COL25A1: variants seen among roughly 807,000 people sequenced by gnomAD.
COL25A1 encodes the protein collagen type XXV alpha 1 chain, also known as collagen alpha-1(XXV) chain.
COL25A1 carries 103 observed loss-of-function variants against 128.4 expected under a neutral mutation model. The observed-to-expected ratio is 0.80, with a 90% CI of 0.68 to 0.94. The LOEUF is 0.94. Ranked by LOEUF, COL25A1 falls within the 40% of genes least tolerant of loss-of-function variation. The pLI is 0.00. For missense variants in COL25A1, 745 were observed against 840.0 expected (o/e 0.89, Z 1.40); for synonymous variants, 279 against 277.2 (o/e 1.01, Z -0.06).
intron 13 of COL25A1, among the ~76,000 whole-genome samples, chr4:108,902,302 A>C (rs1742935388): frequency 6.6e-6 from 1 of 151,960 alleles, no homozygotes; most frequent in Admixed American, 6.6e-5. Context: ...CCTATGAGGT[A>C]GGTACTATTT....
intron 8 of COL25A1, among the ~76,000 whole-genome samples, chr4:108,949,593 G>A (rs903041836): frequency 6.6e-6 from 1 of 151,818 alleles, no homozygotes; most frequent in African/African-American, 2.4e-5. Flanking sequence ...GAGTGCAGTG[G>A]CACGATCTCG....
At chr4:108,856,874 A>G (rs1440760473) in intron 24 of COL25A1, among the ~76,000 whole-genome samples, 1 of 152,148 alleles carries the variant, frequency 6.6e-6, no homozygotes, top group Admixed American at 6.6e-5. Context: ...AATCACCCTA[A>G]GAATAGTATT....
chr4:109,194,270 A>G (rs1050267067), intron 3 of COL25A1, among the ~76,000 whole-genome samples: 3 of 152,194 alleles, frequency 2.0e-5, no homozygotes, highest in Non-Finnish European at 4.4e-5. Context: ...GGTATATTTT[A>G]TCTCCTCCTT....
chr4:108,825,341 GA>G (rs376659822), intron 33 of COL25A1, 119 bp from the exon 34 acceptor site: 11 of 794,934 alleles, frequency 1.4e-5, no homozygotes, highest in African/African-American at 1.4e-4. Flanking sequence ...TCAGAAATGT[GA>G]AAAAGATTCT....
chr4:109,224,677 C>T (rs970355773), intron 3 of COL25A1, among the ~76,000 whole-genome samples: 4 of 152,148 alleles, frequency 2.6e-5, no homozygotes, highest in East Asian at 1.9e-4. Context: ...CAGTGGCTCA[C>T]ACCTGTAATC....
chr4:108,901,468 A>G (rs1742848362), intron 13 of COL25A1, among the ~76,000 whole-genome samples: 1 of 152,068 alleles, frequency 6.6e-6, no homozygotes, highest in African/African-American at 2.4e-5. Context: ...TCAAATAAAT[A>G]TTTTCTGAAT....
chr4:108,896,872 T>G (rs1025210896), intron 15 of COL25A1, among the ~76,000 whole-genome samples, 161 bp from the exon 16 acceptor site: 5 of 152,218 alleles, frequency 3.3e-5, no homozygotes, highest in Non-Finnish European at 5.9e-5. Flanking sequence ...TTGTCTGATA[T>G]CAATAAAAGA....
At chr4:109,273,673 C>A (rs1421314612) in intron 3 of COL25A1, among the ~76,000 whole-genome samples, 1 of 152,072 alleles carries the variant, frequency 6.6e-6, no homozygotes, top group Non-Finnish European at 1.5e-5. Context: ...CAACAGCAAT[C>A]CTATTTTAAG....
intron 3 of COL25A1, among the ~76,000 whole-genome samples, chr4:109,149,998 G>GT (rs1491541224): frequency 2.0e-3 from 236 of 116,128 alleles, no homozygotes; most frequent in South Asian, 4.2e-3. Context: ...GTGTATGTGT[G>GT]GGTGTGTGTG....
intron 3 of COL25A1, among the ~76,000 whole-genome samples, chr4:109,057,301 T>C (rs1349877623): frequency 6.6e-6 from 1 of 152,076 alleles, no homozygotes; most frequent in Non-Finnish European, 1.5e-5. Flanking sequence ...AGAGTCTTAC[T>C]CTGTCACCCA....
intron 3 of COL25A1, among the ~76,000 whole-genome samples, chr4:109,129,189 G>T (rs573595901): frequency 6.6e-5 from 10 of 151,964 alleles, no homozygotes; most frequent in Admixed American, 4.6e-4. Context: ...GAGTGCAATG[G>T]TGTGATCTTG....
intron 3 of COL25A1, among the ~76,000 whole-genome samples, chr4:109,114,066 T>G (rs539709995): frequency 3.3e-5 from 5 of 152,080 alleles, no homozygotes; most frequent in African/African-American, 9.6e-5. Flanking sequence ...ACAACCACAA[T>G]GATAATAGTT....
intron 8 of COL25A1, among the ~76,000 whole-genome samples, chr4:108,953,778 C>T (rs1041249744): frequency 6.6e-6 from 1 of 152,028 alleles, no homozygotes; most frequent in African/African-American, 2.4e-5. Context: ...CTTTATATTC[C>T]AAATGAAAAT....
At chr4:109,169,804 A>G (rs1473652103) in intron 3 of COL25A1, among the ~76,000 whole-genome samples, 1 of 152,222 alleles carries the variant, frequency 6.6e-6, no homozygotes, top group Non-Finnish European at 1.5e-5. Context: ...AAAGAAATAA[A>G]TGAAAATATT....
chr4:109,222,221 A>T (rs563374166), intron 3 of COL25A1, among the ~76,000 whole-genome samples: 1 of 151,602 alleles, frequency 6.6e-6, no homozygotes, highest in Admixed American at 6.6e-5. Flanking sequence ...GTGCCACCAC[A>T]TCCTGCTAAT....
chr4:109,262,709 G>A (rs1477485023), intron 3 of COL25A1, among the ~76,000 whole-genome samples: 1 of 152,066 alleles, frequency 6.6e-6, no homozygotes, highest in African/African-American at 2.4e-5. Flanking sequence ...TTTAATAAAA[G>A]TCACAATATA....
chr4:108,924,322 G>T (rs890013423), intron 11 of COL25A1, among the ~76,000 whole-genome samples: 1 of 152,086 alleles, frequency 6.6e-6, no homozygotes, highest in Non-Finnish European at 1.5e-5. Context: ...ATAAAAACTG[G>T]TGAACACAGT....
chr4:109,221,916 T>C (rs1778441736), intron 3 of COL25A1, among the ~76,000 whole-genome samples: 1 of 152,154 alleles, frequency 6.6e-6, no homozygotes, highest in South Asian at 2.1e-4. Flanking sequence ...GTTGCTGTTG[T>C]AATAACTCCT....
At chr4:109,068,283 A>C (rs1179886580) in intron 3 of COL25A1, among the ~76,000 whole-genome samples, 1 of 152,242 alleles carries the variant, frequency 6.6e-6, no homozygotes, top group Non-Finnish European at 1.5e-5. Context: ...TGAAAAGATA[A>C]AAGCAAAAAA....
Sources: gnomAD v4.1 joint callset for allele counts (sites outside exome capture counted in the v4.1 genomes callset) on GRCh38, gnomAD v4.1.1 for gene constraint, MANE v1.5 for transcripts, NCBI Gene and HGNC (gene_info 2026-07-23, HGNC 2026-07-21) for gene names.